Variants in SIK3 observed in about 807,000 individuals in gnomAD.
The protein encoded by SIK3 is serine/threonine-protein kinase SIK3.
Under a neutral mutation model 144.2 loss-of-function variants are expected in SIK3, and 28 were observed. That is an observed-to-expected ratio of 0.19 (90% CI 0.14 to 0.27). The LOEUF (loss-of-function observed/expected upper bound fraction) is 0.27. Ranked by LOEUF, SIK3 falls within the 10% of genes least tolerant of loss-of-function variation. The pLI is 1.00. For synonymous variants in SIK3, 686 were observed against 676.3 expected (o/e 1.01, Z -0.22); for missense variants, 1,319 against 1,776.0 (o/e 0.74, Z 4.62).
At chr11:116,904,041 A>T (rs958910848) in intron 4 of SIK3, among the ~76,000 whole-genome samples, 2 of 152,184 alleles carry the variant, frequency 1.3e-5, no homozygotes, top group African/African-American at 4.8e-5. Context: ...TGTCTCTTTT[A>T]TAAGTCTCTA....
intron 1 of SIK3, among the ~76,000 whole-genome samples, chr11:117,074,612 T>G (rs182441701): frequency 2.5e-4 from 38 of 152,292 alleles, no homozygotes; most frequent in African/African-American, 9.1e-4. Context: ...TAGCATTGTT[T>G]TATTAGCAAC....
chr11:116,854,435 CT>C (rs1942709177), intron 21 of SIK3, among the ~76,000 whole-genome samples: 1 of 152,246 alleles, frequency 6.6e-6, no homozygotes, highest in African/African-American at 2.4e-5. Context: ...CACACTAGCT[CT>C]GCTCTTCTCA....
intron 1 of SIK3, among the ~76,000 whole-genome samples, chr11:116,963,297 C>T: frequency 6.6e-6 from 1 of 152,104 alleles, no homozygotes; most frequent in Admixed American, 6.5e-5. Flanking sequence ...GACAGCAGTT[C>T]CCAAACTGTT....
At position 116,899,876 on chromosome 11, in the gene SIK3, G is replaced by A. The variant is rs79171243; in HGVS notation, c.617-2559C>T. ...AGCACCCACCTACTCTCTGAAACCC[G>A]TCCCTCTCTTTTCCAGTTTTACTCT... On this transcript the variant is annotated intron_variant, in intron 4 of 24. Coordinates refer to ENST00000445177, the MANE Select transcript of SIK3 (RefSeq NM_001366686.3). 1.2e-4 allele frequency among the ~76,000 whole-genome samples: 19 copies of A among 152,114 alleles called. No individual in the cohort carries two copies. The East Asian group carries it at 2.3e-3, about 19-fold the overall frequency.
chr11:116,912,724 TC>T (rs1946413937), intron 4 of SIK3, among the ~76,000 whole-genome samples: 1 of 152,194 alleles, frequency 6.6e-6, no homozygotes, highest in African/African-American at 2.4e-5. Context: ...TGTGACAAGA[TC>T]CTTCATGTTT....
intron 1 of SIK3, among the ~76,000 whole-genome samples, chr11:117,013,972 C>CTTTTTTTTTTTTCTTTTTT (rs1951409665): frequency 3.7e-5 from 1 of 27,044 alleles, no homozygotes; most frequent in Non-Finnish European, 7.4e-5. Context: ...TTTTTCTTTT[C>CTTTTTTTTTTTTCTTTTTT]TTTTTTTTTT....
At position 116,857,899 on chromosome 11, in the gene SIK3, C is replaced by T. The variant is rs1943045757; in HGVS notation, c.3566G>A (p.Gly1189Glu). 6.2e-7 allele frequency: 1 copy of T among 1,614,026 alleles called. No individual in the cohort carries two copies. The highest frequency in any genetic ancestry group is 1.7e-5 in the Admixed American group (1 of 60,008). ...GGPGDPESLL[G>E]TVSHAQELGI... ...CAATTCTTGGGCATGACTCACAGTTCCTAGCAAAGATTCAGGGTCCCCAGG... is the reference window on the plus strand; with the variant it reads ...CAATTCTTGGGCATGACTCACAGTTTCTAGCAAAGATTCAGGGTCCCCAGG... Residue 1189 changes from glycine (G) to glutamate (E), a missense_variant, in exon 21 of 25, where the codon GGA becomes GAA. This residue lies in a region of SIK3 where 646 missense variants were observed against 763.7 expected (regional missense o/e 0.85). Coordinates refer to ENST00000445177, the MANE Select transcript of SIK3 (RefSeq NM_001366686.3).
At chr11:116,975,328 A>G (rs1949909919) in intron 1 of SIK3, among the ~76,000 whole-genome samples, 1 of 151,948 alleles carries the variant, frequency 6.6e-6, no homozygotes, top group African/African-American at 2.4e-5. Flanking sequence ...ACTGAAAAAA[A>G]CCTCATACCT....
At chr11:117,020,762 G>C (rs769944537) in intron 1 of SIK3, among the ~76,000 whole-genome samples, 2 of 152,152 alleles carry the variant, frequency 1.3e-5, no homozygotes, top group Non-Finnish European at 2.9e-5. Flanking sequence ...GCTTTGCCCT[G>C]GGTATCTCTT....
rs1377994871 is a variant in SIK3, at chr11:116,867,810, GAGA to G, written c.1952+133_1952+135del. ...TGTGCATTGCTTACTGCAAGGAGCT[GAGA>G]AGATGTGAGTTCAGGATGACAGCTG... On this transcript the variant is annotated intron_variant, in intron 15 of 24. Transcript: ENST00000445177. The surrounding 1 kb of genome is among the most constrained non-coding windows in gnomAD (Gnocchi z 4.1). 6 of 887,998 alleles carry G rather than the reference GAGA, an allele frequency of 6.8e-6. No individual in the cohort carries two copies. In the African/African-American group the frequency reaches 1.0e-4, roughly 15 times the overall value. The allele number at this position is 887,998 out of a possible 1,614,324, so 55.0% of individuals were successfully genotyped here. A position where few individuals can be genotyped will look rare whatever the true frequency, so the allele number is the denominator to read the frequency against.
At chr11:117,026,713 T>TG (rs1952024408) in intron 1 of SIK3, among the ~76,000 whole-genome samples, 1 of 152,202 alleles carries the variant, frequency 6.6e-6, no homozygotes, top group Admixed American at 6.5e-5. Context: ...GGCATACCTC[T>TG]GCCACAAGCC....
chr11:116,958,439 G>A (rs185531941), intron 1 of SIK3, among the ~76,000 whole-genome samples: 16 of 152,306 alleles, frequency 1.1e-4, no homozygotes, highest in Non-Finnish European at 2.9e-5. Context: ...GTGATGAAAG[G>A]AGCTGGGTGT....
intron 4 of SIK3, among the ~76,000 whole-genome samples, chr11:116,903,950 G>A (rs1003364071): frequency 6.6e-6 from 1 of 152,104 alleles, no homozygotes; most frequent in Non-Finnish European, 1.5e-5. Flanking sequence ...CTATTTAATA[G>A]GCTTTTTCAT....
At chr11:116,968,079 G>A (rs1949625112) in intron 1 of SIK3, among the ~76,000 whole-genome samples, 4 of 152,150 alleles carry the variant, frequency 2.6e-5, no homozygotes, top group Admixed American at 2.6e-4. Context: ...TGTAATTTAA[G>A]TAACTTAAAT....
chr11:116,913,785 C>T (rs1946463855), intron 4 of SIK3, among the ~76,000 whole-genome samples: 1 of 151,766 alleles, frequency 6.6e-6, no homozygotes, highest in African/African-American at 2.4e-5. Context: ...AATCAGTGTC[C>T]CCTTAAATTC....
intron 4 of SIK3, among the ~76,000 whole-genome samples, chr11:116,912,344 T>C (rs752855325): frequency 3.3e-5 from 5 of 152,212 alleles, no homozygotes; most frequent in Non-Finnish European, 7.3e-5. Flanking sequence ...TGGATATGTC[T>C]ATGTGGTAAG....
intron 1 of SIK3, among the ~76,000 whole-genome samples, chr11:116,960,052 A>G (rs557886276): frequency 6.6e-6 from 1 of 152,228 alleles, no homozygotes; most frequent in Non-Finnish European, 1.5e-5. Context: ...AATATGTACT[A>G]TAATAAATAA....
intron 1 of SIK3, among the ~76,000 whole-genome samples, chr11:116,981,586 T>C (rs1950142420): frequency 6.6e-6 from 1 of 152,224 alleles, no homozygotes; most frequent in South Asian, 2.1e-4. Flanking sequence ...AGTCAGGAAA[T>C]ACTGTTTCCA....
intron 6 of SIK3, among the ~76,000 whole-genome samples, chr11:116,896,008 AG>A (rs1241848602): frequency 6.6e-6 from 1 of 152,238 alleles, no homozygotes. Flanking sequence ...GCCAATTTAT[AG>A]ATGAGGACAC....
Sources: allele counts gnomAD v4.1 joint callset (sites outside exome capture counted in the v4.1 genomes callset), GRCh38; gene constraint gnomAD v4.1.1; regional missense constraint gnomAD v4.1.1; non-coding constraint Gnocchi (gnomAD v3.1); transcripts MANE v1.5; gene names NCBI Gene and HGNC (gene_info 2026-07-23, HGNC 2026-07-21).